PLXDC1: variants seen among roughly 807,000 people sequenced by gnomAD.
PLXDC1 encodes plexin domain-containing protein 1.
Under a neutral mutation model 61.3 loss-of-function variants are expected in PLXDC1, and 39 were observed. The ratio of observed to expected loss-of-function variants is 0.64; its 90% CI spans 0.49 to 0.83. The LOEUF (loss-of-function observed/expected upper bound fraction) is 0.83. Among genes scored for constraint, PLXDC1 ranks in the 40% least tolerant of loss-of-function variants. The probability of loss-of-function intolerance (pLI) is 0.00; values close to 1 mark genes in which losing one functional copy is unlikely to be tolerated. For missense variants in PLXDC1, 596 were observed against 666.5 expected, an observed-to-expected ratio of 0.89 and a Z score of 1.17; for synonymous variants, 212 against 254.5, an observed-to-expected ratio of 0.83 and a Z score of 1.59.
intron 7 of PLXDC1, 125 bp downstream of exon 7, chr17:39,105,729 G>T: frequency 1.6e-6 from 1 of 633,596 alleles, no homozygotes; most frequent in Non-Finnish European, 2.8e-6. Flanking sequence ...TTTCCTGCCT[G>T]GTTTCCCTCT....
chr17:39,100,456 A>T (rs1389412193), intron 7 of PLXDC1, among the ~76,000 whole-genome samples: 3 of 152,104 alleles, frequency 2.0e-5, no homozygotes, highest in Non-Finnish European at 4.4e-5. Context: ...GGGTTTCGAC[A>T]TATTGGCCAG....
At position 39,063,375 on chromosome 17, in the gene PLXDC1, A is replaced by G. The variant is rs1233992558; in HGVS notation, c.*4465T>C. 4 of 674,410 alleles carry G rather than the reference A, an allele frequency of 5.9e-6. No homozygotes were observed. The highest frequency in any genetic ancestry group is 4.6e-5 in the Admixed American group (2 of 43,652). The allele number at this position is 674,410 out of a possible 1,614,324, so 41.8% of individuals were successfully genotyped here. On this transcript the variant is annotated 3_prime_UTR_variant, in exon 14 of 14. Transcript: ENST00000315392. ...ATAAAAATGCATGGGGTTTACTTCC[A>G]GGGATTTACAGACCAATATAAGTAA...
upstream of PLXDC1, chr17:39,151,744 C>G (rs1293412788): frequency 4.3e-6 from 1 of 230,452 alleles, no homozygotes; most frequent in Non-Finnish European, 7.3e-6. The surrounding 1 kb of genome is among the most constrained non-coding windows in gnomAD (Gnocchi z 5.2). Flanking sequence ...GGCGCCTGCC[C>G]TCAGCCCTAA....
chr17:39,085,243 G>A (rs1909700536), intron 8 of PLXDC1, among the ~76,000 whole-genome samples: 1 of 152,202 alleles, frequency 6.6e-6, no homozygotes, highest in Non-Finnish European at 1.5e-5. Flanking sequence ...CAGTCACTCT[G>A]GGAGGGACTG....
intron 2 of PLXDC1, among the ~76,000 whole-genome samples, chr17:39,138,873 C>G (rs1312709348): frequency 1.3e-5 from 2 of 152,120 alleles, no homozygotes; most frequent in Non-Finnish European, 2.9e-5. Flanking sequence ...CCTACACACA[C>G]AGCCACAGGC....
At chr17:39,103,167 A>C (rs1339127571) in intron 7 of PLXDC1, among the ~76,000 whole-genome samples, 1 of 151,398 alleles carries the variant, frequency 6.6e-6, no homozygotes, top group African/African-American at 2.4e-5. Flanking sequence ...GTGAGCTGAG[A>C]TCTCATCACT....
intron 2 of PLXDC1, among the ~76,000 whole-genome samples, chr17:39,129,445 C>T (rs989702587): frequency 6.6e-6 from 1 of 151,626 alleles, no homozygotes; most frequent in Non-Finnish European, 1.5e-5. Context: ...GGTGAAACAC[C>T]GTCTCTCCTA....
intron 11 of PLXDC1, among the ~76,000 whole-genome samples, chr17:39,075,451 G>C (rs1909289259): frequency 6.6e-6 from 1 of 152,212 alleles, no homozygotes; most frequent in African/African-American, 2.4e-5. Context: ...CACCAAGAGA[G>C]GCAGTGGGGT....
intron 2 of PLXDC1, among the ~76,000 whole-genome samples, chr17:39,122,890 C>T (rs1911208960): frequency 6.6e-6 from 1 of 152,180 alleles, no homozygotes; most frequent in East Asian, 1.9e-4. Flanking sequence ...CATAGAAGCT[C>T]AATACACAAA....
intron 2 of PLXDC1, among the ~76,000 whole-genome samples, chr17:39,128,121 ATATATGTG>A (rs1911394490): frequency 8.5e-6 from 1 of 117,542 alleles, no homozygotes; most frequent in East Asian, 2.6e-4. Flanking sequence ...ATATGTATAT[ATATATGTG>A]TATATATATG....
intron 9 of PLXDC1, among the ~76,000 whole-genome samples, chr17:39,081,844 G>A (rs929362104): frequency 6.6e-6 from 1 of 152,024 alleles, no homozygotes; most frequent in Non-Finnish European, 1.5e-5. Context: ...AGGGGGGACT[G>A]AGGCAGGAGG....
intron 4 of PLXDC1, 149 bp downstream of exon 4, chr17:39,108,755 C>A (rs909767829): frequency 9.4e-6 from 6 of 640,806 alleles, no homozygotes; most frequent in African/African-American, 1.8e-5. Context: ...CCACTGACCC[C>A]CCTCCTGAGA....
At chr17:39,132,854 G>C (rs1300531613) in intron 2 of PLXDC1, among the ~76,000 whole-genome samples, 1 of 152,116 alleles carries the variant, frequency 6.6e-6, no homozygotes, top group Non-Finnish European at 1.5e-5. Flanking sequence ...CCACCCGCCA[G>C]CCCTCAGTCC....
chr17:39,072,623 G>C, intron 11 of PLXDC1, 138 bp from the exon 12 acceptor site: 4 of 691,040 alleles, frequency 5.8e-6, no homozygotes, highest in Non-Finnish European at 1.1e-5. Flanking sequence ...GAGGGGAGGA[G>C]ACTTGCTCAA....
intron 2 of PLXDC1, 94 bp downstream of exon 2, chr17:39,139,560 T>C (rs1280330625): frequency 3.3e-6 from 4 of 1,207,866 alleles, no homozygotes; most frequent in Non-Finnish European, 3.5e-6. Context: ...CCAAATGATA[T>C]GTGATTTGCA....
intron 9 of PLXDC1, 55 bp downstream of exon 9, chr17:39,083,404 C>T: frequency 1.4e-6 from 2 of 1,428,652 alleles, no homozygotes; most frequent in Non-Finnish European, 9.8e-7. Flanking sequence ...CCATGCCACC[C>T]TCTTCCCCTC....
At chr17:39,136,968 A>G (rs658354) in intron 2 of PLXDC1, among the ~76,000 whole-genome samples, 22,245 of 152,200 alleles carry the variant, frequency 0.15, 1,963 homozygotes, top group African/African-American at 0.25. Context: ...GAGGAATTGT[A>G]GAAAGGAGAA....
intron 2 of PLXDC1, among the ~76,000 whole-genome samples, chr17:39,124,612 T>C (rs1296535764): frequency 6.6e-6 from 1 of 152,182 alleles, no homozygotes; most frequent in Non-Finnish European, 1.5e-5. Flanking sequence ...TTTAATTAAA[T>C]TAAGTTAAAT....
At chr17:39,078,470 A>G (rs1472947649) in intron 10 of PLXDC1, among the ~76,000 whole-genome samples, 1 of 152,252 alleles carries the variant, frequency 6.6e-6, no homozygotes, top group Non-Finnish European at 1.5e-5. Flanking sequence ...GAGCGAGGGT[A>G]GGGCAACTCA....
Sources: gnomAD v4.1 joint callset for allele counts (sites outside exome capture counted in the v4.1 genomes callset) on GRCh38, gnomAD v4.1.1 for gene constraint, Gnocchi (gnomAD v3.1) non-coding constraint, MANE v1.5 for transcripts, NCBI Gene and HGNC (gene_info 2026-07-23, HGNC 2026-07-21) for gene names.